RARB: variants seen among roughly 807,000 people sequenced by gnomAD.
RARB encodes HBV-activated protein.
In RARB, 17 loss-of-function variants were observed where a neutral mutation model predicts 51.9. That is an observed-to-expected ratio of 0.33 (90% CI 0.22 to 0.49). RARB has a LOEUF of 0.49. Among genes scored for constraint, RARB ranks in the 20% least tolerant of loss-of-function variants. The pLI is 0.99. For synonymous variants in RARB, 215 were observed against 195.4 expected, an observed-to-expected ratio of 1.10 and a Z score of -0.84; for missense variants, 369 against 550.8, an observed-to-expected ratio of 0.67 and a Z score of 3.30.
intron 5 of RARB, among the ~76,000 whole-genome samples, chr3:25,357,008 A>C (rs1172933348): frequency 2.0e-5 from 3 of 152,200 alleles, no homozygotes; most frequent in Non-Finnish European, 4.4e-5. Flanking sequence ...AGAATGATTT[A>C]TAATCCTTTG....
At chr3:24,905,182 A>C (rs1694832335) in intron 2 of RARB, among the ~76,000 whole-genome samples, 1 of 152,168 alleles carries the variant, frequency 6.6e-6, no homozygotes, top group African/African-American at 2.4e-5. Flanking sequence ...TAGAAGGTGA[A>C]TCTGTGACTC....
chr3:24,989,261 T>G (rs552040598), intron 2 of RARB, among the ~76,000 whole-genome samples: 235 of 152,358 alleles, frequency 1.5e-3, no homozygotes, highest in African/African-American at 5.5e-3. Context: ...AATGGGATAT[T>G]GAATAACAAC....
At chr3:25,350,188 C>T (rs1031149651) in intron 5 of RARB, among the ~76,000 whole-genome samples, 4 of 152,166 alleles carry the variant, frequency 2.6e-5, no homozygotes, top group African/African-American at 4.8e-5. Context: ...CCAGCCCAAA[C>T]TCAAGGAGAC....
intron 3 of RARB, among the ~76,000 whole-genome samples, chr3:25,507,232 C>A (rs1410556077): frequency 6.6e-6 from 1 of 152,206 alleles, no homozygotes; most frequent in African/African-American, 2.4e-5. Flanking sequence ...TAGCATGAAG[C>A]TTTGCTCGGT....
chr3:25,481,840 A>T (rs372350245), intron 2 of RARB, among the ~76,000 whole-genome samples: 1 of 152,220 alleles, frequency 6.6e-6, no homozygotes, highest in Admixed American at 6.5e-5. Flanking sequence ...TCATAATAAC[A>T]GCAAATATTT....
At chr3:25,464,241 TG>T (rs140493016) in intron 2 of RARB, among the ~76,000 whole-genome samples, 103 of 152,326 alleles carry the variant, frequency 6.8e-4, no homozygotes, top group African/African-American at 2.4e-3. Context: ...TACTAGGAGC[TG>T]CATATGAAGC....
intron 5 of RARB, among the ~76,000 whole-genome samples, chr3:25,207,209 T>C (rs990104330): frequency 6.6e-6 from 1 of 152,200 alleles, no homozygotes; most frequent in East Asian, 1.9e-4. Context: ...CCTGGAGATA[T>C]AGTTCCAACT....
At chr3:24,929,719 G>A (rs995805193) in intron 2 of RARB, among the ~76,000 whole-genome samples, 5 of 152,030 alleles carry the variant, frequency 3.3e-5, no homozygotes, top group African/African-American at 1.2e-4. Flanking sequence ...TGGTCTCTGA[G>A]ATCTGCCCCC....
intron 3 of RARB, among the ~76,000 whole-genome samples, chr3:25,118,353 T>A (rs1335021031): frequency 6.6e-6 from 1 of 152,168 alleles, no homozygotes; most frequent in Non-Finnish European, 1.5e-5. Context: ...TTTATCATGA[T>A]CTGCCATCTA....
chr3:25,216,408 A>G (rs891700036), intron 5 of RARB, among the ~76,000 whole-genome samples: 6 of 152,328 alleles, frequency 3.9e-5, no homozygotes, highest in African/African-American at 1.4e-4. Flanking sequence ...TGCAGCCATA[A>G]AAAGGAATGA....
chr3:25,131,625 A>C (rs1474910733), intron 3 of RARB, among the ~76,000 whole-genome samples: 2 of 152,028 alleles, frequency 1.3e-5, no homozygotes. Flanking sequence ...TAAAAGGTTT[A>C]GATTTCAGGA....
intron 2 of RARB, among the ~76,000 whole-genome samples, chr3:24,958,263 T>TTTTTTG (rs1696063398): frequency 8.4e-6 from 1 of 118,486 alleles, no homozygotes; most frequent in Non-Finnish European, 1.6e-5. Context: ...AGGTTTTTTT[T>TTTTTTG]TTTTTTTTTT....
chr3:25,154,978 C>T (rs1223549978), intron 4 of RARB, among the ~76,000 whole-genome samples: 1 of 152,222 alleles, frequency 6.6e-6, no homozygotes, highest in Non-Finnish European at 1.5e-5. Context: ...GGACCTAACA[C>T]ATAGCAAGTA....
rs540840596 is a variant in RARB, at chr3:25,401,408, G to A, written c.179-59785G>A. On this transcript the variant is annotated intron_variant, in intron 5 of 11. Transcript: ENST00000383772. ...TAATTTTTCATATACAACGTTCCTCGCTCTACCAAAACTTACCAGACATAC... is the reference window on the plus strand; with the variant it reads ...TAATTTTTCATATACAACGTTCCTCACTCTACCAAAACTTACCAGACATAC... 2.2e-4 allele frequency among the ~76,000 whole-genome samples: 34 copies of A among 152,098 alleles called. No individual in the cohort carries two copies. In the East Asian group the frequency reaches 5.0e-3, roughly 22 times the overall value.
intron 5 of RARB, among the ~76,000 whole-genome samples, chr3:25,295,195 T>C (rs1489945087): frequency 6.6e-6 from 1 of 152,200 alleles, no homozygotes; most frequent in African/African-American, 2.4e-5. Context: ...CTGTTGGGCA[T>C]TTTAACTGCT....
intron 2 of RARB, among the ~76,000 whole-genome samples, chr3:24,891,739 G>A (rs1305635560): frequency 6.6e-6 from 1 of 152,092 alleles, no homozygotes; most frequent in Non-Finnish European, 1.5e-5. Flanking sequence ...GTCAGAAATC[G>A]GGAGGTCAAG....
At chr3:25,184,046 C>T (rs1331529501) in intron 5 of RARB, among the ~76,000 whole-genome samples, 2 of 152,092 alleles carry the variant, frequency 1.3e-5, no homozygotes, top group African/African-American at 4.8e-5. Context: ...AAATCCTTCC[C>T]TGGTTAACTT....
chr3:25,540,856 G>A (rs376335425), intron 3 of RARB, among the ~76,000 whole-genome samples: 1 of 150,840 alleles, frequency 6.6e-6, no homozygotes, highest in African/African-American at 2.5e-5. Flanking sequence ...GTTGGCTAGG[G>A]CTCATTCAGG....
At chr3:25,442,301 A>G (rs535455936) in intron 1 of RARB, among the ~76,000 whole-genome samples, 3 of 151,894 alleles carry the variant, frequency 2.0e-5, no homozygotes, top group Non-Finnish European at 4.4e-5. Context: ...ACGCCCAGCT[A>G]ATTTTTGTGT....
Sources: gnomAD v4.1 joint callset for allele counts (sites outside exome capture counted in the v4.1 genomes callset) on GRCh38, gnomAD v4.1.1 for gene constraint, MANE v1.5 for transcripts, NCBI Gene and HGNC (gene_info 2026-07-23, HGNC 2026-07-21) for gene names.